Variants in CNTNAP2 observed in about 807,000 individuals in gnomAD.
CNTNAP2 encodes the protein contactin associated protein 2, also known as contactin-associated protein-like 2.
A neutral mutation model predicts 155.2 loss-of-function variants in CNTNAP2; 98 were observed. The observed-to-expected ratio is 0.63, with a 90% CI of 0.54 to 0.75. The LOEUF (loss-of-function observed/expected upper bound fraction) is 0.75. Ranked by LOEUF, CNTNAP2 falls within the 30% of genes least tolerant of loss-of-function variation. The pLI is 0.00. For synonymous variants in CNTNAP2, 651 were observed against 631.2 expected (o/e 1.03, Z -0.47); for missense variants, 1,727 against 1,688.1 (o/e 1.02, Z -0.40).
chr7:148,030,012 A>G lies in CNTNAP2; in HGVS notation c.2383+52023A>G, dbSNP rs1170596079. Among the ~76,000 whole-genome samples, 4 of 152,318 alleles carry G rather than the reference A, an allele frequency of 2.6e-5. No homozygotes were observed. The South Asian group carries it at 6.2e-4, about 24-fold the overall frequency. ...TCATACTCTCTGGTTGGAAATCTTC[A>G]GAGGACAGACACTCAGTGAATAACC... On this transcript the variant is annotated intron_variant, in intron 15 of 23. Transcript: ENST00000361727.
chr7:148,340,599 T>C (rs1798211201), intron 21 of CNTNAP2, among the ~76,000 whole-genome samples: 1 of 152,252 alleles, frequency 6.6e-6, no homozygotes, highest in Non-Finnish European at 1.5e-5. Context: ...TCTCGCTTTT[T>C]CTTTGCATAA....
chr7:146,648,000 A>G (rs1314686221), intron 1 of CNTNAP2, among the ~76,000 whole-genome samples: 1 of 152,082 alleles, frequency 6.6e-6, no homozygotes, highest in East Asian at 1.9e-4. Flanking sequence ...ATGTACCACA[A>G]TTCTTATCCC....
intron 1 of CNTNAP2, among the ~76,000 whole-genome samples, chr7:146,665,673 C>G (rs113871912): frequency 4.6e-5 from 7 of 150,640 alleles, no homozygotes; most frequent in African/African-American, 1.5e-4. Flanking sequence ...CCCAGCTACT[C>G]GGGAGGCTGA....
intron 1 of CNTNAP2, among the ~76,000 whole-genome samples, chr7:146,616,064 C>A: frequency 6.6e-6 from 1 of 152,084 alleles, no homozygotes. Context: ...CACCACTGCT[C>A]CATTTGTTTT....
intron 1 of CNTNAP2, chr7:146,311,706 GAA>G (rs1385649457): frequency 6.7e-6 from 1 of 149,200 alleles, no homozygotes; most frequent in Non-Finnish European, 1.5e-5. Context: ...AAGAAATAAA[GAA>G]AGAAAAAGAT....
At chr7:146,944,810 G>A (rs892794570) in intron 3 of CNTNAP2, among the ~76,000 whole-genome samples, 1 of 151,888 alleles carries the variant, frequency 6.6e-6, no homozygotes, top group Admixed American at 6.6e-5. Context: ...CCCAGGAGGC[G>A]GAGCTTGCAG....
At chr7:147,663,447 G>GA (rs1795647435) in intron 13 of CNTNAP2, among the ~76,000 whole-genome samples, 1 of 152,200 alleles carries the variant, frequency 6.6e-6, no homozygotes, top group Non-Finnish European at 1.5e-5. Context: ...ACCAAAACTT[G>GA]TTTCCTCTTT....
intron 1 of CNTNAP2, among the ~76,000 whole-genome samples, chr7:146,496,769 G>A (rs1797221465): frequency 6.6e-6 from 1 of 152,120 alleles, no homozygotes; most frequent in African/African-American, 2.4e-5. Flanking sequence ...GATGATATTT[G>A]AGAATAACAG....
chr7:147,374,990 A>G (rs1796410877), intron 9 of CNTNAP2, among the ~76,000 whole-genome samples: 1 of 151,956 alleles, frequency 6.6e-6, no homozygotes, highest in Non-Finnish European at 1.5e-5. Flanking sequence ...TCATGGGGGC[A>G]GTTTCCCCGA....
intron 1 of CNTNAP2, among the ~76,000 whole-genome samples, chr7:146,716,229 A>C (rs1420294561): frequency 6.7e-6 from 1 of 150,164 alleles, no homozygotes; most frequent in Non-Finnish European, 1.5e-5. Flanking sequence ...AAAAAAAAAA[A>C]AAAGGCATGT....
intron 9 of CNTNAP2, among the ~76,000 whole-genome samples, chr7:147,333,287 G>A (rs1404700): frequency 0.39 from 58,896 of 151,992 alleles, 11,745 homozygotes; most frequent in South Asian, 0.49. Flanking sequence ...GAGAACTCTC[G>A]GCGTTCTGAT....
intron 9 of CNTNAP2, among the ~76,000 whole-genome samples, chr7:147,334,017 T>C (rs1795623697): frequency 2.6e-5 from 4 of 152,170 alleles, no homozygotes; most frequent in African/African-American, 7.2e-5. Flanking sequence ...TGAAAATCTT[T>C]CAAGGGCTCA....
At chr7:147,607,333 C>A (rs1801089899) in intron 12 of CNTNAP2, among the ~76,000 whole-genome samples, 1 of 152,120 alleles carries the variant, frequency 6.6e-6, no homozygotes, top group South Asian at 2.1e-4. Context: ...TCCCAAGGCA[C>A]CACACTGTGG....
At chr7:146,910,276 A>C (rs904502082) in intron 3 of CNTNAP2, among the ~76,000 whole-genome samples, 3 of 149,556 alleles carry the variant, frequency 2.0e-5, no homozygotes, top group Admixed American at 6.6e-5. Flanking sequence ...GCTACCAATG[A>C]CTTTCTTCAC....
intron 21 of CNTNAP2, among the ~76,000 whole-genome samples, chr7:148,337,599 C>T (rs1798142793): frequency 6.6e-6 from 1 of 152,236 alleles, no homozygotes; most frequent in Non-Finnish European, 1.5e-5. Context: ...TCATCTGCGT[C>T]TTGCCAGTCT....
chr7:147,626,211 C>T (rs1283401482), intron 12 of CNTNAP2, among the ~76,000 whole-genome samples: 2 of 152,018 alleles, frequency 1.3e-5, no homozygotes. Flanking sequence ...AGCACAGGAG[C>T]CGCAGCCAAT....
intron 15 of CNTNAP2, among the ~76,000 whole-genome samples, chr7:148,061,938 T>TAAAC (rs1563185362): frequency 3.5e-5 from 5 of 142,060 alleles, no homozygotes; most frequent in South Asian, 2.2e-4. Flanking sequence ...GATAGATAGA[T>TAAAC]AGATAGATAA....
intron 8 of CNTNAP2, among the ~76,000 whole-genome samples, chr7:147,270,632 C>A (rs1335709495): frequency 6.6e-6 from 1 of 152,150 alleles, no homozygotes; most frequent in African/African-American, 2.4e-5. Context: ...TCTCTTAGGG[C>A]ATCTGCATTT....
chr7:146,161,496 C>T (rs1391224609), intron 1 of CNTNAP2, among the ~76,000 whole-genome samples: 3 of 152,140 alleles, frequency 2.0e-5, no homozygotes, highest in African/African-American at 7.2e-5. Flanking sequence ...CAAACCACTG[C>T]TCAACGAAAT....
Sources: allele counts gnomAD v4.1 joint callset (sites outside exome capture counted in the v4.1 genomes callset), GRCh38; gene constraint gnomAD v4.1.1; transcripts MANE v1.5; gene names NCBI Gene and HGNC (gene_info 2026-07-23, HGNC 2026-07-21).